Variants in CLNK observed in about 807,000 individuals in gnomAD.
CLNK encodes cytokine dependent hematopoietic cell linker.
In CLNK, 74 loss-of-function variants were observed where a neutral mutation model predicts 68.6. The ratio of observed to expected loss-of-function variants is 1.08; its 90% CI spans 0.89 to 1.31. CLNK has a LOEUF of 1.31. Among genes scored for constraint, CLNK ranks in the 50% most tolerant of loss-of-function variants. The pLI is 0.00. For synonymous variants in CLNK, 198 were observed against 172.2 expected (o/e 1.15, Z -1.17); for missense variants, 553 against 515.3 (o/e 1.07, Z -0.71).
At chr4:10,628,594 T>A (rs1417245247) in intron 2 of CLNK, among the ~76,000 whole-genome samples, 1 of 151,998 alleles carries the variant, frequency 6.6e-6, no homozygotes, top group Non-Finnish European at 1.5e-5. Context: ...GGAGGCAGAG[T>A]TGGGCTCAAC....
intron 2 of CLNK, among the ~76,000 whole-genome samples, chr4:10,647,966 T>A (rs1723578106): frequency 6.6e-6 from 1 of 152,148 alleles, no homozygotes. Flanking sequence ...CAACTAATTG[T>A]GTCAAATCCA....
chr4:10,535,213 G>GAAAAGAAAGAAAGAA (rs1390380873), intron 11 of CLNK, among the ~76,000 whole-genome samples: 1 of 131,298 alleles, frequency 7.6e-6, no homozygotes, highest in Non-Finnish European at 1.6e-5. Flanking sequence ...AAGAAAGAAA[G>GAAAAGAAAGAAAGAA]AGAAAGAAAG....
At chr4:10,504,488 A>G (rs1717205992) in intron 17 of CLNK, among the ~76,000 whole-genome samples, 1 of 152,318 alleles carries the variant, frequency 6.6e-6, no homozygotes, top group South Asian at 2.1e-4. Context: ...AGGTAAAGGA[A>G]TAAAGGTCGA....
At chr4:10,519,445 C>T (rs887412300) in intron 15 of CLNK, among the ~76,000 whole-genome samples, 1 of 152,222 alleles carries the variant, frequency 6.6e-6, no homozygotes, top group Non-Finnish European at 1.5e-5. Flanking sequence ...GGACTTTCCT[C>T]CTGGATGCTC....
At chr4:10,635,975 G>C (rs1157563715) in intron 2 of CLNK, 8 of 152,242 alleles carry the variant, frequency 5.3e-5, no homozygotes, top group African/African-American at 1.9e-4. Flanking sequence ...GGGAAAGAGA[G>C]ATGTGCAAAC....
intron 1 of CLNK, among the ~76,000 whole-genome samples, chr4:10,672,294 G>A (rs1308173848): frequency 1.3e-5 from 2 of 152,126 alleles, no homozygotes; most frequent in South Asian, 2.1e-4. Flanking sequence ...GCGTTCTCTG[G>A]ATCTGTGAGT....
chr4:10,672,893 CA>C (rs1192966663), intron 1 of CLNK, among the ~76,000 whole-genome samples: 1 of 152,190 alleles, frequency 6.6e-6, no homozygotes, highest in African/African-American at 2.4e-5. Flanking sequence ...ACCAAATAAT[CA>C]CATGTTCATT....
At chr4:10,660,284 A>G (rs1477201187) in intron 2 of CLNK, among the ~76,000 whole-genome samples, 2 of 152,260 alleles carry the variant, frequency 1.3e-5, no homozygotes, top group Admixed American at 6.5e-5. Context: ...AAGACCATAA[A>G]ATATGGGATG....
intron 8 of CLNK, 102 bp downstream of exon 8, chr4:10,558,305 T>G: frequency 1.1e-6 from 1 of 927,332 alleles, no homozygotes; most frequent in Non-Finnish European, 1.8e-6. Flanking sequence ...GATCACCTTG[T>G]GTAAGATCAC....
chr4:10,679,091 C>G (rs1724987231), intron 1 of CLNK, among the ~76,000 whole-genome samples: 1 of 152,202 alleles, frequency 6.6e-6, no homozygotes, highest in African/African-American at 2.4e-5. Context: ...AAGCTGGAGG[C>G]ATCAGACTAC....
chr4:10,600,732 T>C (rs1307659609), intron 2 of CLNK, among the ~76,000 whole-genome samples: 1 of 152,216 alleles, frequency 6.6e-6, no homozygotes, highest in Non-Finnish European at 1.5e-5. Context: ...TAGCGAGCCA[T>C]GTAGTTAACT....
upstream of CLNK, among the ~76,000 whole-genome samples, chr4:10,688,945 G>C (rs1465661178): frequency 1.3e-5 from 2 of 151,850 alleles, no homozygotes; most frequent in Non-Finnish European, 1.5e-5. Flanking sequence ...CTATCACCCA[G>C]TTTCCCCCCG....
At chr4:10,699,512 A>ATATATAT in the CLNK span, among the ~76,000 whole-genome samples, 13 of 32,766 alleles carry the variant, frequency 4.0e-4, 1 homozygote, top group African/African-American at 1.5e-3. Context: ...ATATATATAT[A>ATATATAT]TTTTTTTTTT....
intron 12 of CLNK, among the ~76,000 whole-genome samples, chr4:10,530,176 C>T (rs1718480735): frequency 6.6e-6 from 1 of 151,988 alleles, no homozygotes; most frequent in Non-Finnish European, 1.5e-5. Context: ...TCGGGATTTC[C>T]AGGACTGGCC....
intron 1 of CLNK, among the ~76,000 whole-genome samples, chr4:10,672,121 T>A (rs1022263099): frequency 6.6e-6 from 1 of 152,052 alleles, no homozygotes; most frequent in Non-Finnish European, 1.5e-5. Flanking sequence ...TAACAATCAA[T>A]AGGCAATGTC....
At chr4:10,625,372 GT>G (rs1410486138) in intron 2 of CLNK, among the ~76,000 whole-genome samples, 12 of 152,208 alleles carry the variant, frequency 7.9e-5, no homozygotes, top group Non-Finnish European at 7.3e-5. Flanking sequence ...AACAATTTGT[GT>G]TTGCTTTTCT....
chr4:10,709,292 T>C, the CLNK span, among the ~76,000 whole-genome samples: 133 of 152,314 alleles, frequency 8.7e-4, 2 homozygotes, highest in Middle Eastern at 0.024. Context: ...CCAATAACTA[T>C]CCTTTTCAAG....
chr4:10,620,825 G>A (rs1336971741), intron 2 of CLNK, among the ~76,000 whole-genome samples: 1 of 152,070 alleles, frequency 6.6e-6, no homozygotes, highest in African/African-American at 2.4e-5. Flanking sequence ...ACCTCAGGCT[G>A]GGCGCGGTGG....
chr4:10,674,167 A>G (rs1198682387), intron 1 of CLNK, among the ~76,000 whole-genome samples: 1 of 152,260 alleles, frequency 6.6e-6, no homozygotes, highest in East Asian at 1.9e-4. Flanking sequence ...TATCAAGAGG[A>G]GACCACACCC....
Sources: gnomAD v4.1 joint callset for allele counts (sites outside exome capture counted in the v4.1 genomes callset) on GRCh38, gnomAD v4.1.1 for gene constraint, MANE v1.5 for transcripts, NCBI Gene and HGNC (gene_info 2026-07-23, HGNC 2026-07-21) for gene names.